The following CTCF variants were observed in gnomAD, a reference collection of about 807,000 sequenced individuals.
The protein encoded by CTCF is transcriptional repressor CTCF.
Under a neutral mutation model 72.3 loss-of-function variants are expected in CTCF, and 7 were observed. The ratio of observed to expected loss-of-function variants is 0.10; its 90% CI spans 0.06 to 0.18. The LOEUF (loss-of-function observed/expected upper bound fraction) is 0.18. Ranked by LOEUF, CTCF falls within the 10% of genes least tolerant of loss-of-function variation. CTCF has a pLI of 1.00. For missense variants in CTCF, 516 were observed against 949.1 expected, an observed-to-expected ratio of 0.54 and a Z score of 6.00; for synonymous variants, 374 against 315.8, an observed-to-expected ratio of 1.18 and a Z score of -1.95.
intron 6 of CTCF, 55 bp downstream of exon 6, chr16:67,620,872 TG>T: frequency 6.9e-7 from 1 of 1,448,080 alleles, no homozygotes; most frequent in Non-Finnish European, 9.4e-7. Flanking sequence ...GTGAATCCCA[TG>T]GGACCCTGTG....
intron 2 of CTCF, among the ~76,000 whole-genome samples, chr16:67,587,649 C>T (rs1244364990): frequency 3.3e-5 from 5 of 151,722 alleles, no homozygotes; most frequent in Non-Finnish European, 7.4e-5. Flanking sequence ...CTCTGCTTGG[C>T]ACAGTGGCTC....
chr16:67,609,764 A>T (rs538713367), intron 2 of CTCF, among the ~76,000 whole-genome samples: 2 of 151,532 alleles, frequency 1.3e-5, no homozygotes, highest in Non-Finnish European at 2.9e-5. Context: ...CTGGGACTAC[A>T]GGCGCCCACC....
intron 2 of CTCF, among the ~76,000 whole-genome samples, chr16:67,576,389 TG>T (rs1567592744): frequency 6.6e-6 from 1 of 151,906 alleles, no homozygotes; most frequent in Non-Finnish European, 1.5e-5. Flanking sequence ...TAGTTTGGTT[TG>T]GGGGTCACTT....
chr16:67,620,614 C>CTAA, intron 5 of CTCF, 83 bp from the exon 6 acceptor site: 2 of 1,211,784 alleles, frequency 1.7e-6, no homozygotes, highest in Non-Finnish European at 2.3e-6. Flanking sequence ...TGCCCCAAAG[C>CTAA]TAAGCTTTTG....
intron 10 of CTCF, among the ~76,000 whole-genome samples, chr16:67,633,814 A>ACT (rs747842741): frequency 3.8e-4 from 56 of 148,074 alleles, no homozygotes; most frequent in Non-Finnish European, 6.0e-4. Context: ...ACACACACAC[A>ACT]CTCTCACTCA....
intron 8 of CTCF, chr16:67,627,743 TC>T (rs2052309455): frequency 6.6e-6 from 1 of 151,382 alleles, no homozygotes; most frequent in Non-Finnish European, 1.5e-5. Context: ...GGTCAGGAGA[TC>T]AAGACCATCC....
intron 2 of CTCF, among the ~76,000 whole-genome samples, chr16:67,578,072 C>G (rs1799243676): frequency 6.6e-6 from 1 of 152,070 alleles, no homozygotes; most frequent in African/African-American, 2.4e-5. Context: ...CTTTTATTAA[C>G]AGGCATGTAC....
Position 67,636,854 on chromosome 16 carries a change from AAGTTGT to A in CTCF, c.1999+4_1999+9del. On this transcript the variant is annotated splice_donor_5th_base_variant and intron_variant, in intron 11 of 11. Coordinates refer to ENST00000264010, the MANE Select transcript of CTCF (RefSeq NM_006565.4). ...CAACCAGCCCAAACAGAACCAGCGT[AAGTTGT>A]TCATCTCTGCTCTGGAGGCTGGCGT... 1 of 1,567,164 alleles carries A rather than the reference AAGTTGT, an allele frequency of 6.4e-7. No individual in the cohort carries two copies.
intron 6 of CTCF, 40 bp from the exon 7 acceptor site, chr16:67,621,402 T>C: frequency 7.0e-7 from 1 of 1,428,084 alleles, no homozygotes; most frequent in East Asian, 2.3e-5. Context: ...ACAGTATTTA[T>C]TCATTTCATT....
intron 2 of CTCF, among the ~76,000 whole-genome samples, chr16:67,594,077 G>C (rs1270997765): frequency 6.6e-6 from 1 of 152,130 alleles, no homozygotes; most frequent in South Asian, 2.1e-4. Flanking sequence ...AATCTAACCT[G>C]TAATTGTGTT....
chr16:67,578,916 C>A (rs926570011), intron 2 of CTCF, among the ~76,000 whole-genome samples: 1 of 148,110 alleles, frequency 6.8e-6, no homozygotes, highest in African/African-American at 2.5e-5. Flanking sequence ...CCATTGCACT[C>A]CAGCCTGGGG....
intron 1 of CTCF, chr16:67,570,770 ATC>A (rs1192781822): frequency 1.5e-5 from 2 of 131,326 alleles, no homozygotes; most frequent in Non-Finnish European, 3.1e-5. Flanking sequence ...TTGAGACAAG[ATC>A]TCTCACTCTG....
intron 1 of CTCF, among the ~76,000 whole-genome samples, chr16:67,565,670 T>G (rs572024562): frequency 8.3e-6 from 1 of 120,152 alleles, no homozygotes; most frequent in Non-Finnish European, 1.6e-5. Context: ...AAGACTCTTA[T>G]CTCAAAAAAA....
intron 8 of CTCF, chr16:67,627,483 T>A (rs1419045118): frequency 1.3e-5 from 2 of 150,226 alleles, no homozygotes; most frequent in Admixed American, 6.7e-5. Flanking sequence ...AGAGCGAGAC[T>A]CTGTCTCCAA....
chr16:67,614,077 T>G (rs1004576888), intron 4 of CTCF, among the ~76,000 whole-genome samples: 1 of 152,120 alleles, frequency 6.6e-6, no homozygotes, highest in Non-Finnish European at 1.5e-5. Flanking sequence ...CCGGGCGCCG[T>G]AGCTCTCGCC....
intron 2 of CTCF, among the ~76,000 whole-genome samples, chr16:67,602,745 G>A (rs1056766647): frequency 6.6e-6 from 1 of 151,430 alleles, no homozygotes; most frequent in Non-Finnish European, 1.5e-5. Context: ...GGAGGCTGAG[G>A]CAGGAGAATC....
intron 2 of CTCF, among the ~76,000 whole-genome samples, chr16:67,603,246 T>G (rs2142796677): frequency 6.6e-6 from 1 of 151,718 alleles, no homozygotes; most frequent in East Asian, 1.9e-4. Context: ...AAAGAAAACA[T>G]TAGGCCGGGC....
At chr16:67,606,334 G>A (rs78985530) in intron 2 of CTCF, among the ~76,000 whole-genome samples, 1,708 of 152,268 alleles carry the variant, frequency 0.011, 35 homozygotes, top group African/African-American at 0.038. Context: ...TCAGGGTTCC[G>A]TTCAAATTCC....
At position 67,586,898 on chromosome 16, in the gene CTCF, A is replaced by G. The variant is rs541113760; in HGVS notation, c.-10+15634A>G. On this transcript the variant is annotated intron_variant, in intron 2 of 11. Transcript: ENST00000264010. ...AACCTCTGGCTCCTGGGCGCCTGCA[A>G]TCCTCCCGCCTCAGCCTCCTGAGTA... Among the ~76,000 whole-genome samples the G allele has an allele frequency of 2.5e-3, 385 of 151,814 alleles. 2 individuals carry two copies. The highest frequency in any genetic ancestry group is 8.7e-3 in the African/African-American group (362 of 41,414).
Sources: gnomAD v4.1 joint callset for allele counts (sites outside exome capture counted in the v4.1 genomes callset) on GRCh38, gnomAD v4.1.1 for gene constraint, MANE v1.5 for transcripts, NCBI Gene and HGNC (gene_info 2026-07-23, HGNC 2026-07-21) for gene names.